Variants in AGBL4 observed in about 807,000 individuals in gnomAD.
AGBL4 encodes the protein AGBL carboxypeptidase 4, also known as cytosolic carboxypeptidase 6.
A neutral mutation model predicts 66.4 loss-of-function variants in AGBL4; 58 were observed. The observed-to-expected ratio is 0.87, with a 90% CI of 0.71 to 1.09. AGBL4 has a LOEUF of 1.09. Among genes scored for constraint, AGBL4 ranks in the 50% least tolerant of loss-of-function variants. The pLI is 0.00. For missense variants in AGBL4, 579 were observed against 631.0 expected (o/e 0.92, Z 0.88); for synonymous variants, 234 against 222.9 (o/e 1.05, Z -0.44).
rs79999523 is a variant in AGBL4 at position 49,977,510 on chromosome 1, C to G, written c.34+46253G>C. On this transcript the variant is annotated intron_variant, in intron 1 of 13. Transcript: ENST00000371839. ...ACAGAAAAACAGTTCACTGAAGGAC[C>G]AGACGGTATGTGAGGACAGCATTTC... Among the ~76,000 whole-genome samples, 526 of 152,322 alleles carry G rather than the reference C, an allele frequency of 3.5e-3. 5 individuals carry two copies. Among genetic ancestry groups the G allele is most frequent in the Non-Finnish European group, 6.4e-3 (435 of 68,024 alleles).
At chr1:49,670,512 A>G (rs1646455720) in intron 3 of AGBL4, among the ~76,000 whole-genome samples, 4 of 152,182 alleles carry the variant, frequency 2.6e-5, no homozygotes, top group African/African-American at 9.6e-5. Flanking sequence ...CCTAGAAATG[A>G]TGAGTCATAG....
intron 3 of AGBL4, among the ~76,000 whole-genome samples, chr1:49,606,750 A>C (rs984969223): frequency 1.3e-5 from 2 of 152,136 alleles, no homozygotes; most frequent in Admixed American, 6.6e-5. Flanking sequence ...AGGAAGTAAG[A>C]ATATGAATCA....
At chr1:49,982,493 C>T (rs1325016937) in intron 1 of AGBL4, among the ~76,000 whole-genome samples, 1 of 152,204 alleles carries the variant, frequency 6.6e-6, no homozygotes, top group East Asian at 1.9e-4. Context: ...CCTACAGGCG[C>T]CCCCTCAGCA....
At chr1:48,684,457 C>G (rs1570245710) in intron 6 of AGBL4, among the ~76,000 whole-genome samples, 1 of 152,326 alleles carries the variant, frequency 6.6e-6, no homozygotes, top group South Asian at 2.1e-4. Context: ...CCAGGGCTAA[C>G]CTTTGACTGG....
At chr1:49,916,385 T>A (rs994029392) in intron 1 of AGBL4, among the ~76,000 whole-genome samples, 4 of 152,202 alleles carry the variant, frequency 2.6e-5, no homozygotes, top group Admixed American at 6.5e-5. Context: ...AGAGAAGTCC[T>A]TAAATGATCT....
At chr1:49,044,189 C>A (rs945167912) in intron 5 of AGBL4, among the ~76,000 whole-genome samples, 1 of 152,018 alleles carries the variant, frequency 6.6e-6, no homozygotes, top group Non-Finnish European at 1.5e-5. Context: ...AGTTTGGGCA[C>A]AAGAGGAAGA....
chr1:48,936,779 C>A (rs955081901), intron 5 of AGBL4, among the ~76,000 whole-genome samples: 1 of 152,120 alleles, frequency 6.6e-6, no homozygotes, highest in African/African-American at 2.4e-5. Context: ...GAAAACCATG[C>A]TAAGTGCACA....
At chr1:48,937,600 A>G (rs1655588274) in intron 5 of AGBL4, among the ~76,000 whole-genome samples, 1 of 152,156 alleles carries the variant, frequency 6.6e-6, no homozygotes, top group Admixed American at 6.6e-5. Flanking sequence ...TTGACATTTG[A>G]AAGTGTTTTT....
chr1:48,653,122 T>TG (rs1645958459), intron 8 of AGBL4, among the ~76,000 whole-genome samples: 1 of 152,182 alleles, frequency 6.6e-6, no homozygotes, highest in African/African-American at 2.4e-5. Context: ...TCCAGTGAGC[T>TG]GTCTAGAAAA....
intron 11 of AGBL4, among the ~76,000 whole-genome samples, chr1:48,567,415 A>C (rs563215730): frequency 1.3e-5 from 2 of 152,176 alleles, no homozygotes; most frequent in Non-Finnish European, 2.9e-5. Flanking sequence ...CCAGCACTGC[A>C]TGAGCCTGGT....
chr1:48,577,511 A>G (rs1244971779), intron 11 of AGBL4, among the ~76,000 whole-genome samples: 1 of 152,218 alleles, frequency 6.6e-6, no homozygotes, highest in African/African-American at 2.4e-5. Flanking sequence ...ACTTGACAAC[A>G]GCAGATAAAA....
chr1:49,191,707 G>A (rs928106475), intron 4 of AGBL4, among the ~76,000 whole-genome samples: 1 of 152,110 alleles, frequency 6.6e-6, no homozygotes, highest in Admixed American at 6.6e-5. Context: ...GTGAGAACAC[G>A]TGGTACTTGT....
intron 6 of AGBL4, chr1:48,759,346 T>C (rs1644131587): frequency 1.3e-6 from 2 of 1,516,342 alleles, no homozygotes; most frequent in Non-Finnish European, 1.8e-6. Flanking sequence ...GGACTGCAGA[T>C]CAATATTTCC....
intron 3 of AGBL4, among the ~76,000 whole-genome samples, chr1:49,315,955 T>C (rs919017114): frequency 1.3e-5 from 2 of 152,042 alleles, no homozygotes; most frequent in Non-Finnish European, 2.9e-5. Context: ...TATCAAGCCA[T>C]TTAAACACAT....
At chr1:49,639,073 G>A (rs923948072) in intron 3 of AGBL4, among the ~76,000 whole-genome samples, 2 of 152,150 alleles carry the variant, frequency 1.3e-5, no homozygotes, top group Non-Finnish European at 1.5e-5. Flanking sequence ...TCATCAGGGG[G>A]TAGCAGCAGT....
intron 4 of AGBL4, among the ~76,000 whole-genome samples, chr1:49,059,534 C>CT (rs1158009307): frequency 6.6e-6 from 1 of 152,254 alleles, no homozygotes; most frequent in Non-Finnish European, 1.5e-5. Context: ...AGAGTTCCCA[C>CT]TGGGGCACTG....
intron 4 of AGBL4, among the ~76,000 whole-genome samples, chr1:49,135,092 A>G (rs1172517007): frequency 6.6e-6 from 1 of 151,598 alleles, no homozygotes; most frequent in East Asian, 1.9e-4. Flanking sequence ...TATTTCTCTT[A>G]CCTGTTTTTG....
chr1:49,856,941 G>T (rs1247223064), intron 1 of AGBL4, among the ~76,000 whole-genome samples: 1 of 151,402 alleles, frequency 6.6e-6, no homozygotes, highest in Admixed American at 6.6e-5. Flanking sequence ...AATTATCCTT[G>T]TTCATAGATG....
intron 2 of AGBL4, among the ~76,000 whole-genome samples, chr1:49,816,489 G>A (rs2147982367): frequency 1.3e-5 from 2 of 152,222 alleles, no homozygotes; most frequent in African/African-American, 4.8e-5. Flanking sequence ...CCAGCGATTG[G>A]TAAAAATGAA....
Sources: gnomAD v4.1 joint callset for allele counts (sites outside exome capture counted in the v4.1 genomes callset) on GRCh38, gnomAD v4.1.1 for gene constraint, MANE v1.5 for transcripts, NCBI Gene and HGNC (gene_info 2026-07-23, HGNC 2026-07-21) for gene names.